RPAP2: variants seen among roughly 807,000 people sequenced by gnomAD.
RPAP2 encodes the protein putative RNA polymerase II subunit B1 CTD phosphatase RPAP2.
In RPAP2, 52 loss-of-function variants were observed where a neutral mutation model predicts 73.1. The ratio of observed to expected loss-of-function variants is 0.71; its 90% confidence interval spans 0.57 to 0.90. The LOEUF (loss-of-function observed/expected upper bound fraction) is 0.90, where lower values mean the gene tolerates loss of function less well. Ranked by LOEUF, RPAP2 falls within the 40% of genes least tolerant of loss-of-function variation. RPAP2 has a pLI of 0.00. For missense variants in RPAP2, 598 were observed against 701.8 expected, an observed-to-expected ratio of 0.85 and a Z score of 1.67; for synonymous variants, 225 against 242.1, an observed-to-expected ratio of 0.93 and a Z score of 0.65.
intron 12 of RPAP2, among the ~76,000 whole-genome samples, chr1:92,382,643 T>G (rs187728590): frequency 4.6e-5 from 7 of 152,362 alleles, no homozygotes; most frequent in Admixed American, 4.6e-4. Flanking sequence ...TAAATTTGTT[T>G]GAGTTCATTG....
chr1:92,380,933 T>A, intron 12 of RPAP2, 60 bp downstream of exon 12: 1 of 593,602 alleles, frequency 1.7e-6, no homozygotes, highest in Non-Finnish European at 2.4e-6. Flanking sequence ...ATGTGGATTC[T>A]TTTTTTTTTT....
At chr1:92,384,995 T>A (rs1013911806) in intron 12 of RPAP2, among the ~76,000 whole-genome samples, 1 of 151,304 alleles carries the variant, frequency 6.6e-6, no homozygotes, top group African/African-American at 2.4e-5. Context: ...AGATCCTGTC[T>A]CTACAAAAAA....
At chr1:92,349,313 TAA>T (rs1359011370) in intron 11 of RPAP2, among the ~76,000 whole-genome samples, 2 of 152,246 alleles carry the variant, frequency 1.3e-5, no homozygotes, top group Non-Finnish European at 2.9e-5. Context: ...TGAATATTGC[TAA>T]GTTTTATTAT....
intron 12 of RPAP2, among the ~76,000 whole-genome samples, chr1:92,385,671 A>G (rs572181868): frequency 4.6e-5 from 7 of 152,218 alleles, no homozygotes; most frequent in Non-Finnish European, 8.8e-5. Flanking sequence ...AATAACAGAA[A>G]AAAAATCCAT....
chr1:92,305,674 CA>C (rs1384978151), intron 5 of RPAP2, among the ~76,000 whole-genome samples: 2 of 151,222 alleles, frequency 1.3e-5, no homozygotes, highest in African/African-American at 4.9e-5. Flanking sequence ...AAAAGACAGA[CA>C]AACTAATAGA....
Position 92,387,076 on chromosome 1 carries a change from A to G in RPAP2, c.*65A>G, listed in dbSNP as rs998475187. ...CACCGTTTCTGGAATTCTAGCCGCCATGATGGTCTGGTGGTGACTGATAAC... is the reference window on the plus strand; with the variant it reads ...CACCGTTTCTGGAATTCTAGCCGCCGTGATGGTCTGGTGGTGACTGATAAC... On this transcript the variant is annotated 3_prime_UTR_variant, in exon 13 of 13. Transcript: ENST00000610020. The G allele has an allele frequency of 1.5e-5, 23 of 1,524,238 alleles. No homozygotes were observed. The African/African-American group carries it at 2.9e-4, about 19-fold the overall frequency. 94.4% of individuals were successfully genotyped at this position (1,524,238 alleles called of 1,614,324 possible). A position where few individuals can be genotyped will look rare whatever the true frequency, so the allele number is the denominator to read the frequency against.
At chr1:92,356,585 ATT>A (rs57838216) in intron 11 of RPAP2, among the ~76,000 whole-genome samples, 4,108 of 51,768 alleles carry the variant, frequency 0.079, 145 homozygotes, top group Middle Eastern at 0.17. Context: ...CTCCTGGCTA[ATT>A]TTTTTTTTTT....
At chr1:92,313,733 T>A (rs185976101) in intron 6 of RPAP2, among the ~76,000 whole-genome samples, 5 of 152,354 alleles carry the variant, frequency 3.3e-5, no homozygotes, top group Admixed American at 3.3e-4. Context: ...AATCCCTAGA[T>A]GGCATCTTCC....
intron 11 of RPAP2, among the ~76,000 whole-genome samples, chr1:92,353,340 T>C (rs1055471718): frequency 3.3e-5 from 5 of 152,212 alleles, no homozygotes; most frequent in African/African-American, 1.2e-4. Flanking sequence ...GATTGAACTT[T>C]ACAAATTATC....
chr1:92,368,613 A>G (rs574346117), intron 11 of RPAP2, among the ~76,000 whole-genome samples: 1 of 152,340 alleles, frequency 6.6e-6, no homozygotes, highest in Non-Finnish European at 1.5e-5. Context: ...GAAGGTTTTA[A>G]TAAAAATGCC....
At chr1:92,309,212 G>C (rs1212907689) in intron 6 of RPAP2, among the ~76,000 whole-genome samples, 2 of 152,010 alleles carry the variant, frequency 1.3e-5, no homozygotes, top group Non-Finnish European at 2.9e-5. Context: ...GGGAGGCCGA[G>C]GGGGGCAGAT....
intron 10 of RPAP2, among the ~76,000 whole-genome samples, chr1:92,337,023 C>T (rs1156686987): frequency 6.6e-6 from 1 of 152,056 alleles, no homozygotes; most frequent in Non-Finnish European, 1.5e-5. Flanking sequence ...TTCTCTCTAC[C>T]AAGAAGCATA....
chr1:92,336,936 T>G (rs1280329752), intron 10 of RPAP2, among the ~76,000 whole-genome samples: 1 of 152,076 alleles, frequency 6.6e-6, no homozygotes, highest in Non-Finnish European at 1.5e-5. Flanking sequence ...AGAGAATTGA[T>G]ATCAATTGTG....
intron 12 of RPAP2, among the ~76,000 whole-genome samples, chr1:92,381,405 C>A (rs963490329): frequency 2.6e-5 from 4 of 152,166 alleles, no homozygotes; most frequent in Non-Finnish European, 4.4e-5. Context: ...AAACCCTTCC[C>A]TCTTTCAGAA....
At chr1:92,378,150 C>T (rs1655470219) in intron 11 of RPAP2, among the ~76,000 whole-genome samples, 1 of 152,084 alleles carries the variant, frequency 6.6e-6, no homozygotes, top group Non-Finnish European at 1.5e-5. Flanking sequence ...TCAGAGAAGT[C>T]GTTTTGGATG....
rs764970758 is a variant in RPAP2 at position 92,320,625 on chromosome 1, A to G, written c.515A>G (p.Glu172Gly). The G allele has an allele frequency of 8.7e-6, 14 of 1,609,978 alleles. No homozygotes were observed. The South Asian group carries it at 1.4e-4, about 16-fold the overall frequency. Reference protein sequence around the residue: ...ERHPDFQLLKEEQSGHSGEEV... With the variant: ...ERHPDFQLLKGEQSGHSGEEV... ...CATCCTGATTTTCAACTGCTAAAGG[A>G]AGAACAAAGGTATGGTTGAATCAGT... The change falls in exon 7 of 13, where the codon GAA becomes GGA. Residue 172 changes from glutamate (E) to glycine (G), a missense_variant. Physicochemically the swap from Glu to Gly is moderately conservative, Grantham distance 98. Transcript: ENST00000610020.
chr1:92,315,037 CTG>C (rs1651827966), intron 6 of RPAP2, among the ~76,000 whole-genome samples: 1 of 151,876 alleles, frequency 6.6e-6, no homozygotes, highest in Non-Finnish European at 1.5e-5. Flanking sequence ...GAGCGAGACT[CTG>C]TCTCAAAATC....
At chr1:92,302,567 G>A (rs1035680683) in intron 3 of RPAP2, among the ~76,000 whole-genome samples, 8 of 148,012 alleles carry the variant, frequency 5.4e-5, no homozygotes, top group Non-Finnish European at 1.5e-5. Context: ...AACATAAAAC[G>A]GGAGAATTAA....
intron 6 of RPAP2, among the ~76,000 whole-genome samples, chr1:92,317,864 C>A (rs1652015507): frequency 2.0e-5 from 3 of 152,156 alleles, no homozygotes; most frequent in Admixed American, 6.5e-5. Flanking sequence ...TCATAATTTA[C>A]AGTAATGTTT....
Sources: gnomAD v4.1 joint callset for allele counts (sites outside exome capture counted in the v4.1 genomes callset) on GRCh38, gnomAD v4.1.1 for gene constraint, MANE v1.5 for transcripts, NCBI Gene and HGNC (gene_info 2026-07-23, HGNC 2026-07-21) for gene names.